The following SV2B variants were observed in gnomAD, a reference collection of about 807,000 sequenced individuals.
SV2B encodes synaptic vesicle glycoprotein 2B.
In SV2B, 41 loss-of-function variants were observed where a neutral mutation model predicts 73.9. That is an observed-to-expected ratio of 0.56 (90% confidence interval 0.43 to 0.72). SV2B has a LOEUF of 0.72. SV2B is among the 30% of genes least tolerant of loss of function. The pLI is 0.00. For synonymous variants in SV2B, 314 were observed against 314.2 expected, an observed-to-expected ratio of 1.00 and a Z score of 0.01; for missense variants, 764 against 857.8, an observed-to-expected ratio of 0.89 and a Z score of 1.37.
At position 91,132,035 on chromosome 15, in the gene SV2B, A is replaced by G. The variant is rs907243133; in HGVS notation, c.-392+31672A>G. ...TCACTGGTAGAGGGTCGTGACTGCA[A>G]GTTATTGAGGTTCTTGGTGTTTTGA... On this transcript the variant is annotated intron_variant, in intron 1 of 12. Transcript: ENST00000394232. This position sits in a 1 kb window ranked among gnomAD's most constrained non-coding sequence, Gnocchi z 4.6. Among the ~76,000 whole-genome samples the G allele has an allele frequency of 5.9e-5, 9 of 152,164 alleles. No individual in the cohort carries two copies. Among genetic ancestry groups the G allele is most frequent in the African/African-American group, 2.2e-4 (9 of 41,438 alleles).
chr15:91,146,708 G>A (rs1038157468), intron 1 of SV2B, among the ~76,000 whole-genome samples: 2 of 152,098 alleles, frequency 1.3e-5, no homozygotes, highest in African/African-American at 4.8e-5. Context: ...TAATTCTACT[G>A]GGTAAACTCT....
At chr15:91,102,019 A>G (rs2041741855) in intron 1 of SV2B, 1 of 152,168 alleles carries the variant, frequency 6.6e-6, no homozygotes, top group Non-Finnish European at 1.5e-5. Context: ...TCCCCGACCT[A>G]TCTGTTCTTG....
intron 1 of SV2B, among the ~76,000 whole-genome samples, chr15:91,200,583 T>C (rs949008071): frequency 7.2e-5 from 11 of 152,254 alleles, no homozygotes; most frequent in African/African-American, 2.4e-4. Context: ...GAAGGTCAGA[T>C]GGTGCTACTG....
In SV2B at chr15:91,289,413, G is replaced by C. The variant is rs1380954023; in HGVS notation, c.1709-108G>C. On this transcript the variant is annotated intron_variant, in intron 11 of 12. Coordinates refer to ENST00000394232, the MANE Select transcript of SV2B (RefSeq NM_001323032.3). This position sits in a 1 kb window ranked among gnomAD's most constrained non-coding sequence, Gnocchi z 4.9. ...GAACCTAATACTTCAGGCAGCCTTG[G>C]CTTCAGGTGTACCAGTGAGGGTGGG... The C allele has an allele frequency of 7.0e-7, 1 of 1,419,218 alleles. No individual in the cohort carries two copies. Among genetic ancestry groups the C allele is most frequent in the Non-Finnish European group, 9.9e-7 (1 of 1,009,468 alleles). 87.9% of individuals were successfully genotyped at this position (1,419,218 alleles called of 1,614,324 possible).
At chr15:91,174,253 C>T (rs926231619) in intron 1 of SV2B, among the ~76,000 whole-genome samples, 6 of 152,158 alleles carry the variant, frequency 3.9e-5, no homozygotes, top group African/African-American at 1.4e-4. Context: ...AAAGAGAAAC[C>T]TGGCTTTGAT....
At chr15:91,189,679 G>A (rs962461765) in intron 1 of SV2B, among the ~76,000 whole-genome samples, 2 of 152,144 alleles carry the variant, frequency 1.3e-5, no homozygotes, top group African/African-American at 4.8e-5. Context: ...TCTGGAAAGG[G>A]CTGGTTCACT....
chr15:91,230,950 G>A (rs1023484047), intron 2 of SV2B, among the ~76,000 whole-genome samples: 3 of 152,186 alleles, frequency 2.0e-5, no homozygotes, highest in Non-Finnish European at 2.9e-5. Context: ...GCTGGGGGGC[G>A]TTCTGGAGTT....
At chr15:91,248,307 C>T (rs919052403) in intron 2 of SV2B, among the ~76,000 whole-genome samples, 1 of 152,082 alleles carries the variant, frequency 6.6e-6, no homozygotes, top group Non-Finnish European at 1.5e-5. Context: ...GGTGACAGAG[C>T]ATCTAAAAAA....
At chr15:91,259,782 A>G (rs541283624) in intron 5 of SV2B, among the ~76,000 whole-genome samples, 2 of 152,264 alleles carry the variant, frequency 1.3e-5, no homozygotes, top group Admixed American at 6.5e-5. Context: ...CTGTGTCTCC[A>G]TATGGAGGTC....
At chr15:91,243,870 C>T (rs1176084640) in intron 2 of SV2B, among the ~76,000 whole-genome samples, 2 of 152,158 alleles carry the variant, frequency 1.3e-5, no homozygotes, top group Non-Finnish European at 2.9e-5. Context: ...ACATTCAGAA[C>T]CTAGAACTTC....
chr15:91,143,164 G>T (rs995092297), intron 1 of SV2B, among the ~76,000 whole-genome samples: 1 of 152,052 alleles, frequency 6.6e-6, no homozygotes, highest in South Asian at 2.1e-4. Context: ...GGACGGCTTG[G>T]TTGGGGTGTC....
chr15:91,145,086 G>A (rs1030773888), intron 1 of SV2B, among the ~76,000 whole-genome samples: 12 of 151,956 alleles, frequency 7.9e-5, no homozygotes, highest in Non-Finnish European at 1.3e-4. Context: ...CATCACCCAG[G>A]TTATTGAGCC....
chr15:91,119,198 T>C (rs571497553), intron 1 of SV2B, among the ~76,000 whole-genome samples: 81 of 152,368 alleles, frequency 5.3e-4, no homozygotes, highest in Non-Finnish European at 3.2e-4. Flanking sequence ...CGGTAGGAGC[T>C]ATCTTTTTAA....
intron 1 of SV2B, among the ~76,000 whole-genome samples, chr15:91,209,124 T>TTG (rs1555484300): frequency 1.5e-5 from 2 of 137,462 alleles, no homozygotes; most frequent in African/African-American, 5.5e-5. Flanking sequence ...GTTTTTTTTT[T>TTG]TTTTTTTTTT....
At chr15:91,230,785 G>A (rs1175047720) in intron 2 of SV2B, among the ~76,000 whole-genome samples, 1 of 152,190 alleles carries the variant, frequency 6.6e-6, no homozygotes, top group East Asian at 1.9e-4. Flanking sequence ...GGCACTCAAT[G>A]AGTTTTATTC....
intron 9 of SV2B, among the ~76,000 whole-genome samples, chr15:91,276,803 T>A (rs1001296454): frequency 5.1e-5 from 3 of 58,550 alleles, no homozygotes; most frequent in African/African-American, 2.1e-4. Flanking sequence ...ATTATTGTTG[T>A]TGTTATTATT....
chr15:91,268,739 C>G lies in SV2B; in HGVS notation c.1373+134C>G. The G allele has an allele frequency of 8.5e-7, 1 of 1,177,722 alleles. No homozygotes were observed. Among genetic ancestry groups the G allele is most frequent in the Non-Finnish European group, 1.2e-6 (1 of 858,694 alleles). 73.0% of individuals were successfully genotyped at this position (1,177,722 alleles called of 1,614,324 possible). A position where few individuals can be genotyped will look rare whatever the true frequency, so the allele number is the denominator to read the frequency against. ...GCCAAGGCTGGTGTCATCATCACAACCTGTCATGGCTGCCAGTGACGCCAT... is the reference window on the plus strand; with the variant it reads ...GCCAAGGCTGGTGTCATCATCACAAGCTGTCATGGCTGCCAGTGACGCCAT... On this transcript the variant is annotated intron_variant, in intron 9 of 12. Transcript: ENST00000394232. This position sits in a 1 kb window ranked among gnomAD's most constrained non-coding sequence, Gnocchi z 4.4.
At chr15:91,179,535 T>G (rs1442732948) in intron 1 of SV2B, among the ~76,000 whole-genome samples, 1 of 152,108 alleles carries the variant, frequency 6.6e-6, no homozygotes, top group Non-Finnish European at 1.5e-5. Flanking sequence ...TCTAAGTCTC[T>G]TTGTAGTTCA....
At position 91,258,472 on chromosome 15, in the gene SV2B, T is replaced by C. The variant is rs2047782009; in HGVS notation, c.836T>C (p.Phe279Ser). Residue 279 changes from phenylalanine to serine, a missense_variant, in exon 5 of 13, where the codon TTT becomes TCT. Transcript: ENST00000394232. The surrounding 1 kb of genome is among the most constrained non-coding windows in gnomAD (Gnocchi z 4.7). The part of the protein sequence containing the change: ...TNYHFHSWRV[F>S]VIVCALPCTV... ...TACCACTTCCATAGCTGGAGAGTGT[T>C]TGTCATCGTCTGTGCTCTGCCCTGC... The C allele has an allele frequency of 6.2e-7, 1 of 1,613,954 alleles. No individual in the cohort carries two copies. The highest frequency in any genetic ancestry group is 1.3e-5 in the African/African-American group (1 of 74,896).
Sources: allele counts gnomAD v4.1 joint callset (sites outside exome capture counted in the v4.1 genomes callset), GRCh38; gene constraint gnomAD v4.1.1; non-coding constraint Gnocchi (gnomAD v3.1); transcripts MANE v1.5; gene names NCBI Gene and HGNC (gene_info 2026-07-23, HGNC 2026-07-21).